The following KCNMB4 variants were observed in gnomAD, a reference collection of about 807,000 sequenced individuals.
KCNMB4 encodes potassium calcium-activated channel subfamily M regulatory beta subunit 4.
A neutral mutation model predicts 20.7 loss-of-function variants in KCNMB4; 3 were observed. That is an observed-to-expected ratio of 0.14 (90% confidence interval 0.07 to 0.37). The LOEUF is 0.37. KCNMB4 is among the 10% of genes least tolerant of loss of function. The pLI, the probability that KCNMB4 is intolerant of heterozygous loss-of-function variation, is 1.00. For synonymous variants in KCNMB4, 110 were observed against 113.4 expected (o/e 0.97, Z 0.19); for missense variants, 168 against 265.9 (o/e 0.63, Z 2.56).
intron 1 of KCNMB4, among the ~76,000 whole-genome samples, chr12:70,384,469 C>G (rs983911011): frequency 6.6e-6 from 1 of 152,216 alleles, no homozygotes; most frequent in East Asian, 1.9e-4. Context: ...CAACTTGTCA[C>G]CACGATAATG....
chr12:70,430,236 G>T (rs565067279), intron 2 of KCNMB4, among the ~76,000 whole-genome samples: 1 of 152,160 alleles, frequency 6.6e-6, no homozygotes, highest in South Asian at 2.1e-4. Flanking sequence ...TAGCATAAGA[G>T]ATACATTTTT....
intron 1 of KCNMB4, among the ~76,000 whole-genome samples, chr12:70,377,997 T>A (rs956118649): frequency 1.3e-5 from 2 of 150,922 alleles, no homozygotes; most frequent in African/African-American, 4.9e-5. Flanking sequence ...TTGCCCAGGC[T>A]GGAGTGCAGT....
chr12:70,421,916 G>C (rs1869073605), intron 2 of KCNMB4, among the ~76,000 whole-genome samples: 1 of 147,494 alleles, frequency 6.8e-6, no homozygotes, highest in Admixed American at 6.8e-5. Context: ...TATTTTTCTA[G>C]AGCATTCATA....
At chr12:70,379,665 T>C (rs986739252) in intron 1 of KCNMB4, among the ~76,000 whole-genome samples, 5 of 152,134 alleles carry the variant, frequency 3.3e-5, no homozygotes, top group Admixed American at 1.3e-4. Flanking sequence ...TGCCTTCTTC[T>C]CCCTTCAGAA....
intron 1 of KCNMB4, among the ~76,000 whole-genome samples, chr12:70,392,858 G>A (rs1868312333): frequency 6.6e-6 from 1 of 152,130 alleles, no homozygotes; most frequent in African/African-American, 2.4e-5. Context: ...GGGAGAAATA[G>A]CATTAGGAGA....
intron 1 of KCNMB4, among the ~76,000 whole-genome samples, chr12:70,370,369 A>G (rs1288929691): frequency 6.7e-6 from 1 of 150,024 alleles, no homozygotes; most frequent in Non-Finnish European, 1.5e-5. Flanking sequence ...GTGCATTGGC[A>G]TGATCTCGGC....
intron 2 of KCNMB4, among the ~76,000 whole-genome samples, chr12:70,405,470 A>G (rs1243466140): frequency 6.6e-6 from 1 of 152,222 alleles, no homozygotes; most frequent in African/African-American, 2.4e-5. Context: ...ATGACTATTA[A>G]CAAAAAAACA....
At chr12:70,403,724 G>A (rs534770894) in intron 2 of KCNMB4, among the ~76,000 whole-genome samples, 1 of 152,340 alleles carries the variant, frequency 6.6e-6, no homozygotes, top group African/African-American at 2.4e-5. Context: ...CGATGCTAGG[G>A]ATTCTAATCT....
Position 70,367,087 on chromosome 12 carries a change from C to T in KCNMB4, c.336+17C>T, listed in dbSNP as rs753114704. The T allele has an allele frequency of 4.0e-6, 6 of 1,488,484 alleles. No individual in the cohort carries two copies. The South Asian group carries it at 8.2e-5, about 20-fold the overall frequency. 92.2% of individuals were successfully genotyped at this position (1,488,484 alleles called of 1,614,324 possible). On this transcript the variant is annotated intron_variant, in intron 1 of 2. Coordinates refer to ENST00000258111, the MANE Select transcript of KCNMB4 (RefSeq NM_014505.6). ...AACCCCAAGGTAAGAACGCCCCGCG[C>T]ACCCAGGGGCTCCCCGCGAGGGAGG...
Position 70,432,922 on chromosome 12 carries a change from A to G in KCNMB4, c.*2269A>G, listed in dbSNP as rs1869407042. ...TGTTGAAAAAAGGGGAAGTTGATAT[A>G]TATCAATCTTAGTTTTCATTTATCA... On this transcript the variant is annotated 3_prime_UTR_variant, in exon 3 of 3. Transcript: ENST00000258111. 1 of 152,202 alleles carries G rather than the reference A, an allele frequency of 6.6e-6. No individual in the cohort carries two copies. The highest frequency in any genetic ancestry group is 6.5e-5 in the Admixed American group (1 of 15,278). The allele number at this position is 152,202 out of a possible 1,614,324, so 9.4% of individuals were successfully genotyped here.
chr12:70,424,750 CA>C (rs749640741), intron 2 of KCNMB4, among the ~76,000 whole-genome samples: 21 of 140,684 alleles, frequency 1.5e-4, no homozygotes, highest in South Asian at 2.4e-4. Flanking sequence ...AACTCCGTCT[CA>C]AAAAAAAAAA....
chr12:70,416,041 C>T (rs1397659642), intron 2 of KCNMB4, among the ~76,000 whole-genome samples: 3 of 152,240 alleles, frequency 2.0e-5, no homozygotes, highest in South Asian at 4.2e-4. Flanking sequence ...CTTTTTTGTG[C>T]TTTAGATTAA....
chr12:70,403,572 G>A (rs1398620848), intron 2 of KCNMB4, among the ~76,000 whole-genome samples: 2 of 152,144 alleles, frequency 1.3e-5, no homozygotes, highest in African/African-American at 2.4e-5. Context: ...GACCTCAGGC[G>A]ATCCTCCCAT....
intron 2 of KCNMB4, among the ~76,000 whole-genome samples, chr12:70,429,666 C>CAAAAAAAAAA (rs11320039): frequency 8.5e-6 from 1 of 117,188 alleles, no homozygotes. Flanking sequence ...GACTCCATCT[C>CAAAAAAAAAA]AAAAAAAAAA....
intron 2 of KCNMB4, among the ~76,000 whole-genome samples, chr12:70,417,941 C>T (rs775269712): frequency 6.6e-6 from 1 of 152,158 alleles, no homozygotes; most frequent in Non-Finnish European, 1.5e-5. Flanking sequence ...GTGGTTGAGC[C>T]ATGGGAGACT....
chr12:70,416,099 C>A (rs1357344537), intron 2 of KCNMB4, among the ~76,000 whole-genome samples: 1 of 152,154 alleles, frequency 6.6e-6, no homozygotes, highest in Non-Finnish European at 1.5e-5. Flanking sequence ...ACCATTGGAT[C>A]CTCAGCCCTT....
chr12:70,390,052 C>A (rs756098370), intron 1 of KCNMB4, among the ~76,000 whole-genome samples: 14 of 152,262 alleles, frequency 9.2e-5, no homozygotes, highest in Admixed American at 3.3e-4. Context: ...TCATTTCTTT[C>A]AAGAGAAATA....
In KCNMB4 at chr12:70,366,639, T is replaced by C. The variant is rs1053886258; in HGVS notation, c.-96T>C. ...CCCTGCTGTCGCGCGGCGGCGGCGG[T>C]GGCGGCGGCGGCTCCTCCCGCCCGA... On this transcript the variant is annotated 5_prime_UTR_variant, in exon 1 of 3. Transcript: ENST00000258111. The C allele has an allele frequency of 1.3e-5, 12 of 902,226 alleles. No individual in the cohort carries two copies. Among genetic ancestry groups the C allele is most frequent in the African/African-American group, 1.0e-4 (5 of 49,364 alleles). The allele number at this position is 902,226 out of a possible 1,614,324, so 55.9% of individuals were successfully genotyped here.
intron 1 of KCNMB4, among the ~76,000 whole-genome samples, chr12:70,380,115 A>G (rs1484561529): frequency 6.6e-6 from 1 of 152,222 alleles, no homozygotes; most frequent in African/African-American, 2.4e-5. Context: ...AGTGAGAGAC[A>G]ATGACTCTTC....
Sources: allele counts gnomAD v4.1 joint callset (sites outside exome capture counted in the v4.1 genomes callset), GRCh38; gene constraint gnomAD v4.1.1; transcripts MANE v1.5; gene names NCBI Gene and HGNC (gene_info 2026-07-23, HGNC 2026-07-21).